MEP1B: variants seen among roughly 807,000 people sequenced by gnomAD.
MEP1B encodes the protein N-benzoyl-L-tyrosyl-P-amino-benzoic acid hydrolase subunit beta.
Under a neutral mutation model 84.6 loss-of-function variants are expected in MEP1B, and 80 were observed. The ratio of observed to expected loss-of-function variants is 0.95; its 90% CI spans 0.79 to 1.14. The LOEUF is 1.14. Among genes scored for constraint, MEP1B ranks in the 50% most tolerant of loss-of-function variants. MEP1B has a pLI of 0.00. For missense variants in MEP1B, 766 were observed against 855.1 expected (o/e 0.90, Z 1.30); for synonymous variants, 273 against 288.1 (o/e 0.95, Z 0.53).
chr18:32,203,070 A>G, intron 6 of MEP1B, 60 bp downstream of exon 6: 1 of 946,180 alleles, frequency 1.1e-6, no homozygotes, highest in Admixed American at 2.1e-5. Context: ...CTGGGACATT[A>G]CATTGCAGCA....
chr18:32,207,557 G>T, intron 8 of MEP1B, 87 bp downstream of exon 8: 4 of 879,818 alleles, frequency 4.5e-6, no homozygotes, highest in Admixed American at 2.1e-5. Flanking sequence ...TCAAGCATTG[G>T]TGGGGTTTCT....
chr18:32,217,439 C>A lies in MEP1B; in HGVS notation c.1886+322C>A, dbSNP rs143667828. Among the ~76,000 whole-genome samples the A allele has an allele frequency of 2.6e-3, 390 of 152,212 alleles. 1 individual carries two copies. The highest frequency in any genetic ancestry group is 8.7e-3 in the African/African-American group (360 of 41,542). ...GAAGATACTGACGTTCTGAGGAGCC[C>A]TTGGCCAAGATGTGAATCTGGAGGG... On this transcript the variant is annotated intron_variant, in intron 13 of 14. Coordinates refer to ENST00000269202, the MANE Select transcript of MEP1B (RefSeq NM_005925.3).
chr18:32,195,346 C>G (rs1224081304), intron 4 of MEP1B, 61 bp from the exon 5 acceptor site: 1 of 1,027,742 alleles, frequency 9.7e-7, no homozygotes, highest in African/African-American at 1.6e-5. Context: ...AGATTAACTA[C>G]AGGTTTCCTA....
In MEP1B at chr18:32,215,197, C is replaced by T. The variant is rs16962851; in HGVS notation, c.1695C>T (p.His565=). ...GGYGTSAFIT[H]ERLKSRDFIK... is the part of the protein sequence containing the mutation. ...ATGGAACCAGTGCCTTTATAACCCA[C>T]GAAAGGCTGAAAAGCAGAGATTTTA... The change falls in exon 12 of 15, where the codon CAC becomes CAT. Residue 565 remains histidine, a synonymous_variant. Coordinates refer to ENST00000269202, the MANE Select transcript of MEP1B (RefSeq NM_005925.3). 6.2e-3 allele frequency: 9,956 copies of T among 1,610,534 alleles called. 410 individuals are homozygous for T. In the African/African-American group the frequency reaches 0.1, roughly 17 times the overall value.
intron 13 of MEP1B, among the ~76,000 whole-genome samples, chr18:32,217,341 A>T (rs2041101696): frequency 6.6e-6 from 1 of 152,082 alleles, no homozygotes; most frequent in Admixed American, 6.5e-5. Context: ...ATAGAACTCT[A>T]TATTCTAATT....
intron 5 of MEP1B, 123 bp downstream of exon 5, chr18:32,195,608 C>T (rs2040845315): frequency 8.7e-6 from 5 of 571,736 alleles, no homozygotes; most frequent in South Asian, 6.0e-5. Flanking sequence ...CTTTGTGTGG[C>T]TATGTACATT....
intron 7 of MEP1B, 140 bp from the exon 8 acceptor site, chr18:32,207,112 T>C: frequency 1.6e-6 from 1 of 612,592 alleles, no homozygotes; most frequent in South Asian, 2.0e-5. Flanking sequence ...TATTGTAAGA[T>C]GGGAATAATG....
At chr18:32,215,550 C>T (rs1044503231) in intron 12 of MEP1B, among the ~76,000 whole-genome samples, 8 of 152,138 alleles carry the variant, frequency 5.3e-5, no homozygotes, top group East Asian at 1.9e-4. Context: ...ATAGGCCGGG[C>T]GCAGTGGCTC....
intron 7 of MEP1B, among the ~76,000 whole-genome samples, chr18:32,205,630 T>C (rs74318526): frequency 1.8e-3 from 269 of 152,364 alleles, no homozygotes; most frequent in African/African-American, 6.1e-3. Context: ...CTGCTCACAT[T>C]TGATAACACA....
At chr18:32,215,314 C>G (rs1349768155) in intron 12 of MEP1B, 53 bp downstream of exon 12, 2 of 1,180,688 alleles carry the variant, frequency 1.7e-6, no homozygotes, top group Non-Finnish European at 2.3e-6. Flanking sequence ...GTTGTGGCCA[C>G]TGATTATTTT....
chr18:32,217,256 T>A lies in MEP1B; in HGVS notation c.1886+139T>A, dbSNP rs74754488. 5.1e-6 allele frequency: 5 copies of A among 971,176 alleles called. No homozygotes were observed. In the Admixed American group the frequency reaches 8.8e-5, roughly 17 times the overall value. 60.2% of individuals were successfully genotyped at this position (971,176 alleles called of 1,614,324 possible). Reference sequence around the variant, plus strand: ...ACAGCCATTCATAGAATTTTTTTTTTATTCTCCTTTTGGGGCTTTGGATAA... The same window carrying A: ...ACAGCCATTCATAGAATTTTTTTTTAATTCTCCTTTTGGGGCTTTGGATAA... On this transcript the variant is annotated intron_variant, in intron 13 of 14. Coordinates refer to ENST00000269202, the MANE Select transcript of MEP1B (RefSeq NM_005925.3).
At chr18:32,213,091 T>G (rs2041044426) in intron 10 of MEP1B, 25 bp from the exon 11 acceptor site, 1 of 1,599,450 alleles carries the variant, frequency 6.3e-7, no homozygotes, top group African/African-American at 1.3e-5. Flanking sequence ...TCTTTGTCTT[T>G]GAAATAATAA....
chr18:32,207,133 T>C (rs1187718518), intron 7 of MEP1B, 119 bp from the exon 8 acceptor site: 2 of 638,374 alleles, frequency 3.1e-6, no homozygotes, highest in East Asian at 5.5e-5. Context: ...AAACTGTTGT[T>C]AGTTGTAGCA....
In MEP1B at chr18:32,217,129, T is replaced by A. The variant is rs2041098845; in HGVS notation, c.1886+12T>A. ...AAAGCTGAGTGCAGGTAAGGATGATTTGAAAGAGATCTCTCCATTCTTTGG... is the reference window on the plus strand; with the variant it reads ...AAAGCTGAGTGCAGGTAAGGATGATATGAAAGAGATCTCTCCATTCTTTGG... On this transcript the variant is annotated intron_variant, in intron 13 of 14. Coordinates refer to ENST00000269202, the MANE Select transcript of MEP1B (RefSeq NM_005925.3). 1 of 1,611,768 alleles carries A rather than the reference T, an allele frequency of 6.2e-7. No individual in the cohort carries two copies. The highest frequency in any genetic ancestry group is 1.3e-5 in the African/African-American group (1 of 74,878).
At position 32,213,506 on chromosome 18, in the gene MEP1B, G is replaced by A. The variant is rs777822222; in HGVS notation, c.1526G>A (p.Arg509Gln). 16 of 1,613,836 alleles carry A rather than the reference G, an allele frequency of 9.9e-6. No homozygotes were observed. Among genetic ancestry groups the A allele is most frequent in the African/African-American group, 2.7e-5 (2 of 75,000 alleles). The change falls in exon 11 of 15, where the codon CGA becomes CAA. Residue 509 changes from arginine to glutamine, a missense_variant. By Grantham distance (43) the Arg-to-Gln change is conservative. Coordinates refer to ENST00000269202, the MANE Select transcript of MEP1B (RefSeq NM_005925.3). The part of the protein sequence containing the change: ...MTLLDQNPDI[R>Q]QRMSNQRSIT... ...CTTTTGGATCAAAATCCTGACATTC[G>A]ACAGCGTATGTCCAATCAGCGGAGT... is the stretch of plus-strand genomic sequence containing the variant.
Position 32,208,015 on chromosome 18 carries a change from C to T in MEP1B, c.767-104C>T, listed in dbSNP as rs867548431. ...TCATCCAGAATCAGCTAGGTGTTCC[C>T]TGTAATACCAACCTGGCATTTCTAA... On this transcript the variant is annotated intron_variant, in intron 8 of 14. Transcript: ENST00000269202. The T allele has an allele frequency of 2.5e-6, 3 of 1,210,426 alleles. No individual in the cohort carries two copies. The African/African-American group carries it at 4.5e-5, about 18-fold the overall frequency. The allele number at this position is 1,210,426 out of a possible 1,614,324, so 75.0% of individuals were successfully genotyped here. A position where few individuals can be genotyped will look rare whatever the true frequency, so the allele number is the denominator to read the frequency against.
At position 32,195,504 on chromosome 18, in the gene MEP1B, G is replaced by A. The variant is rs376398009; in HGVS notation, c.250+19G>A. The stretch of plus-strand genomic sequence containing the variant: ...AGCTTGGGTTAGTATGCACCTTGAA[G>A]TATCCATAACTAATGTCTATTTCTG... On this transcript the variant is annotated intron_variant, in intron 5 of 14. Transcript: ENST00000269202. The A allele has an allele frequency of 6.8e-6, 10 of 1,478,082 alleles. No individual in the cohort carries two copies. Among genetic ancestry groups the A allele is most frequent in the African/African-American group, 1.4e-5 (1 of 72,014 alleles). The allele number at this position is 1,478,082 out of a possible 1,614,324, so 91.6% of individuals were successfully genotyped here. A position where few individuals can be genotyped will look rare whatever the true frequency, so the allele number is the denominator to read the frequency against.
intron 5 of MEP1B, among the ~76,000 whole-genome samples, chr18:32,202,132 G>C (rs1238359841): frequency 6.6e-6 from 1 of 152,206 alleles, no homozygotes; most frequent in East Asian, 1.9e-4. Flanking sequence ...TGGCTCCAAA[G>C]TCCAAGCACT....
At chr18:32,194,725 G>C (rs1392569214) in intron 4 of MEP1B, among the ~76,000 whole-genome samples, 1 of 151,842 alleles carries the variant, frequency 6.6e-6, no homozygotes, top group Non-Finnish European at 1.5e-5. Context: ...CTTCATAGAC[G>C]ACTGTCCTGA....
Sources: gnomAD v4.1 joint callset for allele counts (sites outside exome capture counted in the v4.1 genomes callset) on GRCh38, gnomAD v4.1.1 for gene constraint, MANE v1.5 for transcripts, NCBI Gene and HGNC (gene_info 2026-07-23, HGNC 2026-07-21) for gene names.